DNAH14: variants seen among roughly 807,000 people sequenced by gnomAD.
The protein encoded by DNAH14 is axonemal beta dynein heavy chain 14.
Under a neutral mutation model 520.9 loss-of-function variants are expected in DNAH14, and 478 were observed. The observed-to-expected ratio is 0.92, with a 90% CI of 0.85 to 0.99. The LOEUF is 0.99. Among genes scored for constraint, DNAH14 ranks in the 50% least tolerant of loss-of-function variants. The pLI, the probability that DNAH14 is intolerant of heterozygous loss-of-function variation, is 0.00. For synonymous variants in DNAH14, 1,581 were observed against 1,757.2 expected, an observed-to-expected ratio of 0.90 and a Z score of 2.51; for missense variants, 4,831 against 5,234.5, an observed-to-expected ratio of 0.92 and a Z score of 2.38.
chr1:225,116,265 G>T (rs2076867257), intron 23 of DNAH14, among the ~76,000 whole-genome samples: 2 of 152,140 alleles, frequency 1.3e-5, no homozygotes, highest in South Asian at 4.1e-4. Context: ...ACTTTTATAA[G>T]TAGCCACTGA....
chr1:225,084,427 C>A (rs2073499214), intron 20 of DNAH14, among the ~76,000 whole-genome samples: 1 of 152,056 alleles, frequency 6.6e-6, no homozygotes, highest in African/African-American at 2.4e-5. Flanking sequence ...AGGTGGTGGT[C>A]ATGCTGCAAA....
rs2094990335 is a variant in DNAH14, at chr1:225,335,781, ATT to A, written c.10081-1484_10081-1483del. ...TACATACATGTGCATATGTGCATAT[ATT>A]CATAAGTACATCTATGTATATGTAC... On this transcript the variant is annotated intron_variant, in intron 66 of 85. Transcript: ENST00000682510. 2.4e-5 allele frequency among the ~76,000 whole-genome samples: 3 copies of A among 123,650 alleles called. 1 individual carries two copies. Among genetic ancestry groups the A allele is most frequent in the Non-Finnish European group, 5.1e-5 (3 of 58,402 alleles). 81.1% of individuals were successfully genotyped at this position (123,650 alleles called of 152,430 possible).
intron 7 of DNAH14, among the ~76,000 whole-genome samples, chr1:224,971,330 T>C (rs934292792): frequency 4.6e-5 from 7 of 152,192 alleles, no homozygotes; most frequent in Non-Finnish European, 8.8e-5. Flanking sequence ...ATTTAATATG[T>C]AAATAGCTTA....
At chr1:225,093,828 A>G (rs2074637659) in intron 21 of DNAH14, among the ~76,000 whole-genome samples, 2 of 152,164 alleles carry the variant, frequency 1.3e-5, no homozygotes, top group Non-Finnish European at 2.9e-5. Flanking sequence ...TAGCATTTCT[A>G]TACACCAACA....
intron 38 of DNAH14, among the ~76,000 whole-genome samples, chr1:225,202,929 C>A (rs1429227183): frequency 2.0e-5 from 3 of 152,186 alleles, no homozygotes; most frequent in Non-Finnish European, 4.4e-5. Context: ...CAGGTAAGGT[C>A]ACACAACTCA....
In DNAH14 at chr1:225,082,732, C is replaced by G; in HGVS notation, c.3320C>G (p.Ala1107Gly). Residue 1107 changes from alanine to glycine, a missense_variant, in exon 20 of 86, where the codon GCT (alanine) becomes GGT (glycine). Transcript: ENST00000682510. ...AACTGTAAAGTAGAGAATCTTCTAG[C>G]TCTCAAGGTAAATAAAAATGGTTTT... is the stretch of plus-strand genomic sequence containing the variant. ...DKNCKVENLL[A>G]LKMFQYENEI... The G allele has an allele frequency of 6.5e-7, 1 of 1,534,898 alleles. No individual in the cohort carries two copies. The highest frequency in any genetic ancestry group is 1.3e-5 in the South Asian group (1 of 79,824).
chr1:225,398,423 G>A (rs538836407), intron 84 of DNAH14, 97 bp from the exon 85 acceptor site: 29 of 1,400,446 alleles, frequency 2.1e-5, no homozygotes, highest in East Asian at 5.0e-5. Context: ...TAGGCAGGAT[G>A]AGCCCCTCTG....
At chr1:225,121,772 C>T (rs374734507) in intron 26 of DNAH14, among the ~76,000 whole-genome samples, 1 of 151,900 alleles carries the variant, frequency 6.6e-6, no homozygotes, top group East Asian at 1.9e-4. Context: ...ACCCGGGAGG[C>T]GGAGGTTGCA....
intron 36 of DNAH14, among the ~76,000 whole-genome samples, chr1:225,176,313 A>G (rs1263597142): frequency 1.1e-4 from 17 of 152,122 alleles, no homozygotes; most frequent in South Asian, 4.1e-4. Flanking sequence ...CTCAGAAAAG[A>G]TACTTGATTG....
At chr1:224,932,215 G>A (rs2058740162) in intron 1 of DNAH14, among the ~76,000 whole-genome samples, 2 of 151,824 alleles carry the variant, frequency 1.3e-5, no homozygotes. Flanking sequence ...GTGGTGGTGA[G>A]CATTTTTTTC....
chr1:225,351,820 A>T lies in DNAH14; in HGVS notation c.11470A>T (p.Ile3824Phe). The change falls in exon 72 of 86, where the codon ATC becomes TTC. Residue 3824 changes from isoleucine to phenylalanine, a missense_variant. Ile to Phe is a conservative substitution (Grantham distance 21). Transcript: ENST00000682510. ...GAACAGTAAAGCAGTTTATTCTCTG[A>T]TCAGCACACCTTTCTCTTCAGAAAA... ...FKNSKAVYSL[I>F]STPFSSENAS... The T allele has an allele frequency of 7.1e-6, 11 of 1,551,336 alleles. No individual in the cohort carries two copies. The highest frequency in any genetic ancestry group is 9.6e-6 in the Non-Finnish European group (11 of 1,146,738).
At chr1:225,364,604 C>CTT (rs3075909) in intron 75 of DNAH14, among the ~76,000 whole-genome samples, 188 bp from the exon 76 acceptor site, 61,762 of 151,698 alleles carry the variant, frequency 0.41, 13,095 homozygotes, top group East Asian at 0.62. Context: ...GAAAGCTACT[C>CTT]TTAAAATGTA....
chr1:225,152,883 G>T lies in DNAH14; in HGVS notation c.5196G>T (p.Gln1732His). 6.5e-7 allele frequency: 1 copy of T among 1,544,424 alleles called. No homozygotes were observed. The highest frequency in any genetic ancestry group is 8.7e-7 in the Non-Finnish European group (1 of 1,145,362). The change falls in exon 33 of 86, where the codon CAG becomes CAT. Residue 1732 changes from glutamine (Q) to histidine (H), a missense_variant and splice_region_variant. Gln to His is a conservative substitution (Grantham distance 24, BLOSUM62 0). Transcript: ENST00000682510. ...YELARKQLSQ[Q>H]DHYNFGLRSL... ...TAGCGCGCAAACAGCTCTCACAACAGGTAAATAGCTACTTTTCTCAAAATA... is the reference window on the plus strand; with the variant it reads ...TAGCGCGCAAACAGCTCTCACAACATGTAAATAGCTACTTTTCTCAAAATA...
intron 23 of DNAH14, among the ~76,000 whole-genome samples, chr1:225,114,039 C>T (rs961865660): frequency 2.6e-5 from 4 of 152,194 alleles, no homozygotes; most frequent in African/African-American, 9.7e-5. Context: ...CTGTGCTTTT[C>T]TCAAGCAAAA....
chr1:225,267,268 T>C (rs1481724615), intron 49 of DNAH14, among the ~76,000 whole-genome samples: 1 of 151,868 alleles, frequency 6.6e-6, no homozygotes, highest in Non-Finnish European at 1.5e-5. Flanking sequence ...TTTTGTTACA[T>C]TGAACCTAAA....
chr1:225,132,193 GT>G (rs539410121), intron 27 of DNAH14, among the ~76,000 whole-genome samples: 5 of 149,018 alleles, frequency 3.4e-5, no homozygotes, highest in East Asian at 4.0e-4. Flanking sequence ...TCAAGTTGTT[GT>G]TTTTTTTTTC....
intron 23 of DNAH14, among the ~76,000 whole-genome samples, chr1:225,101,434 C>T (rs953417285): frequency 6.6e-6 from 1 of 152,136 alleles, no homozygotes; most frequent in Middle Eastern, 3.4e-3. Context: ...CCCCATTCAG[C>T]TATCAAATAC....
intron 55 of DNAH14, among the ~76,000 whole-genome samples, chr1:225,290,584 G>A (rs2149995120): frequency 7.5e-6 from 1 of 133,230 alleles, no homozygotes. Context: ...TGTTATTTTT[G>A]TCATATATAT....
intron 11 of DNAH14, among the ~76,000 whole-genome samples, chr1:225,036,500 C>T (rs1333149879): frequency 6.6e-6 from 1 of 150,774 alleles, no homozygotes; most frequent in African/African-American, 2.4e-5. Context: ...GCTTCTGTGT[C>T]TCTTTGTTGT....
Sources: gnomAD v4.1 joint callset for allele counts (sites outside exome capture counted in the v4.1 genomes callset) on GRCh38, gnomAD v4.1.1 for gene constraint, MANE v1.5 for transcripts, NCBI Gene and HGNC (gene_info 2026-07-23, HGNC 2026-07-21) for gene names.